Variants in NCOR2 observed in about 807,000 individuals in gnomAD.
The protein encoded by NCOR2 is nuclear receptor corepressor 2, also known as CTG repeat protein 26.
Under a neutral mutation model 262.9 loss-of-function variants are expected in NCOR2, and 81 were observed. That is an observed-to-expected ratio of 0.31 (90% CI 0.26 to 0.37). NCOR2 has a LOEUF of 0.37. NCOR2 is among the 10% of genes least tolerant of loss of function. The pLI, the probability that NCOR2 is intolerant of heterozygous loss-of-function variation, is 1.00. For synonymous variants in NCOR2, 1,659 were observed against 1,559.3 expected, an observed-to-expected ratio of 1.06 and a Z score of -1.51; for missense variants, 3,385 against 3,621.4, an observed-to-expected ratio of 0.93 and a Z score of 1.68.
Position 124,479,558 on chromosome 12 carries a change from C to T in NCOR2, c.411+4038G>A, listed in dbSNP as rs529958078. On this transcript the variant is annotated intron_variant, in intron 3 of 46. Transcript: ENST00000405201. ...ACACACCCGCACCCACACACAAACG[C>T]GCACACACACGCACGCGCGCGCGCA... Among the ~76,000 whole-genome samples the T allele has an allele frequency of 8.9e-4, 136 of 152,140 alleles. 1 individual carries two copies. Among genetic ancestry groups the T allele is most frequent in the African/African-American group, 3.2e-3 (133 of 41,482 alleles).
chr12:124,505,067 CTG>C (rs1442374109), intron 1 of NCOR2, among the ~76,000 whole-genome samples: 5 of 152,196 alleles, frequency 3.3e-5, no homozygotes, highest in African/African-American at 1.2e-4. Context: ...ACAGGGGAAA[CTG>C]AGGTTCCAGC....
chr12:124,473,240 G>A, intron 3 of NCOR2, 109 bp from the exon 6 acceptor site: 1 of 1,289,544 alleles, frequency 7.8e-7, no homozygotes, highest in Non-Finnish European at 1.1e-6. Context: ...AGGAGGCAAA[G>A]TATTGATCCT....
upstream of NCOR2, among the ~76,000 whole-genome samples, chr12:124,496,876 T>C (rs140475521): frequency 4.0e-3 from 602 of 152,288 alleles, 1 homozygote; most frequent in Non-Finnish European, 6.9e-3. The surrounding 1 kb of genome is among the most constrained non-coding windows in gnomAD (Gnocchi z 4.4). Context: ...CTTTTGCTGC[T>C]GGAACCAGGA....
intron 5 of NCOR2, among the ~76,000 whole-genome samples, chr12:124,462,321 T>C (rs555117568): frequency 3.9e-5 from 6 of 152,208 alleles, no homozygotes; most frequent in African/African-American, 1.4e-4. Context: ...CATCTGCAGA[T>C]TGGGGGCAGC....
chr12:124,424,751 T>C (rs1469922939), intron 11 of NCOR2, among the ~76,000 whole-genome samples: 1 of 151,682 alleles, frequency 6.6e-6, no homozygotes, highest in Non-Finnish European at 1.5e-5. Context: ...GGGGAAGGAG[T>C]GTCATTGCTT....
In NCOR2 at chr12:124,384,044, C is replaced by G. The variant is rs57056146; in HGVS notation, c.2019+1701G>C. Among the ~76,000 whole-genome samples, 341 of 148,426 alleles carry G rather than the reference C, an allele frequency of 2.3e-3. 4 individuals carry two copies. Among genetic ancestry groups the G allele is most frequent in the African/African-American group, 8.2e-3 (327 of 40,108 alleles). On this transcript the variant is annotated intron_variant, in intron 17 of 46. Coordinates refer to ENST00000405201, the Ensembl canonical transcript of NCOR2. Reference sequence around the variant, plus strand: ...CGGAGGGAGCCCCAGAGAGGGGAGGCGGGGGGAGGAGAGAGAAAGTGAAAG... The same window carrying G: ...CGGAGGGAGCCCCAGAGAGGGGAGGGGGGGGGAGGAGAGAGAAAGTGAAAG...
intron 13 of NCOR2, among the ~76,000 whole-genome samples, chr12:124,411,534 G>A (rs1459535377): frequency 2.6e-5 from 4 of 152,202 alleles, no homozygotes; most frequent in Non-Finnish European, 5.9e-5. Context: ...CCATCGCTGC[G>A]GGAAGGCCAT....
At position 124,517,229 on chromosome 12, in the gene NCOR2, A is replaced by T. The variant is rs1406461649; in HGVS notation, c.-118+18336T>A. Among the ~76,000 whole-genome samples, 1 of 152,092 alleles carries T rather than the reference A, an allele frequency of 6.6e-6. No individual in the cohort carries two copies. Among genetic ancestry groups the T allele is most frequent in the Non-Finnish European group, 1.5e-5 (1 of 68,012 alleles). ...CTCAAACCCAGGTCTGTGGCAAAGG[A>T]GCAACATTGCCTGGAAGCCCAGCCC... is the stretch of plus-strand genomic sequence containing the variant. On this transcript the variant is annotated intron_variant, in intron 1 of 46. Transcript: ENST00000404621. The surrounding 1 kb of genome is among the most constrained non-coding windows in gnomAD (Gnocchi z 7.6).
At chr12:124,449,981 T>C in intron 6 of NCOR2, 114 bp from the exon 9 acceptor site, 1 of 1,062,594 alleles carries the variant, frequency 9.4e-7, no homozygotes. Flanking sequence ...GGGTGAGGGC[T>C]CAGCCGCAGG....
chr12:124,375,698 G>A (rs868105597), intron 18 of NCOR2, among the ~76,000 whole-genome samples: 8 of 152,276 alleles, frequency 5.3e-5, no homozygotes, highest in Middle Eastern at 3.4e-3. Flanking sequence ...CACCAAATGC[G>A]CCTTGGATAA....
At chr12:124,551,229 C>G (rs1433742586) in intron 1 of NCOR2, among the ~76,000 whole-genome samples, 1 of 152,212 alleles carries the variant, frequency 6.6e-6, no homozygotes, top group Non-Finnish European at 1.5e-5. Flanking sequence ...TGGAACCACT[C>G]AGGTCTGCCG....
chr12:124,496,099 A>T (rs574770658), upstream of NCOR2, among the ~76,000 whole-genome samples: 1 of 152,176 alleles, frequency 6.6e-6, no homozygotes, highest in African/African-American at 2.4e-5. The surrounding 1 kb of genome is among the most constrained non-coding windows in gnomAD (Gnocchi z 4.4). Context: ...TGGCCACGCC[A>T]GAGGAATAAC....
exon 14 of NCOR2, chr12:124,402,527 T>G: frequency 6.4e-7 from 1 of 1,563,190 alleles, no homozygotes; most frequent in Non-Finnish European, 8.7e-7. Flanking sequence ...CTGCTGCTGC[T>G]GCTGCTGCTG....
chr12:124,376,874 T>C (rs1395986802), intron 18 of NCOR2, among the ~76,000 whole-genome samples: 2 of 152,278 alleles, frequency 1.3e-5, no homozygotes, highest in East Asian at 3.9e-4. Flanking sequence ...ACCAAGGACT[T>C]GGGCTCCGCC....
At chr12:124,366,816 C>T (rs562718085) in intron 20 of NCOR2, among the ~76,000 whole-genome samples, 1 of 152,210 alleles carries the variant, frequency 6.6e-6, no homozygotes, top group South Asian at 2.1e-4. Flanking sequence ...CTGTGCCTAG[C>T]CTAAATGATA....
At position 124,340,101 on chromosome 12, in the gene NCOR2, G is replaced by A. The variant is rs2036325749; in HGVS notation, c.5592C>T (p.Thr1864=). 4.3e-6 allele frequency: 7 copies of A among 1,612,922 alleles called. No homozygotes were observed. The East Asian group carries it at 1.6e-4, about 36-fold the overall frequency. Residue 1864 remains threonine, a synonymous_variant, in exon 37 of 47, where the codon ACC becomes ACT. Transcript: ENST00000405201. ...TGGGTCTCTGCTGGAGGGCATCCTG[G>A]GTCCGAGGGGAGATGGGCGAGTGCT... is the stretch of plus-strand genomic sequence containing the variant.
chr12:124,330,355 C>A lies in NCOR2; in HGVS notation c.6958+490G>T, dbSNP rs534625869. ...AGTCTTAAGTTTCAGCTTAAAAGTG[C>A]GTGTCAATTTTACACCTATCTCTGC... On this transcript the variant is annotated intron_variant, in intron 44 of 46. Coordinates refer to ENST00000405201, the Ensembl canonical transcript of NCOR2. Among the ~76,000 whole-genome samples the A allele has an allele frequency of 5.3e-5, 8 of 152,354 alleles. 1 individual carries two copies. The highest frequency in any genetic ancestry group is 4.1e-4 in the South Asian group (2 of 4,828).
intron 17 of NCOR2, among the ~76,000 whole-genome samples, chr12:124,379,407 C>T (rs76966004): frequency 0.02 from 3,056 of 152,292 alleles, 99 homozygotes; most frequent in African/African-American, 0.068. Context: ...GCTCAGAAAG[C>T]GTTTGTTGAC....
chr12:124,433,478 C>G (rs1363474393), intron 8 of NCOR2, among the ~76,000 whole-genome samples: 1 of 152,210 alleles, frequency 6.6e-6, no homozygotes, highest in Non-Finnish European at 1.5e-5. Context: ...CGGCAGGGCG[C>G]TGGCAAGACG....
Sources: allele counts gnomAD v4.1 joint callset (sites outside exome capture counted in the v4.1 genomes callset), GRCh38; gene constraint gnomAD v4.1.1; non-coding constraint Gnocchi (gnomAD v3.1); transcripts MANE v1.5; gene names NCBI Gene and HGNC (gene_info 2026-07-23, HGNC 2026-07-21).